PTPN14: variants seen among roughly 807,000 people sequenced by gnomAD.
PTPN14 encodes protein tyrosine phosphatase non-receptor type 14.
PTPN14 carries 53 observed loss-of-function variants against 126.8 expected under a neutral mutation model. The observed-to-expected ratio is 0.42, with a 90% CI of 0.34 to 0.53. PTPN14 has a LOEUF of 0.53. Ranked by LOEUF, PTPN14 falls within the 20% of genes least tolerant of loss-of-function variation. The pLI is 0.08. For synonymous variants in PTPN14, 630 were observed against 599.3 expected (o/e 1.05, Z -0.75); for missense variants, 1,257 against 1,552.9 (o/e 0.81, Z 3.20).
intron 9 of PTPN14, 22 bp downstream of exon 9, chr1:214,394,867 TCAGACCCTGA>T (rs1319952877): frequency 6.4e-7 from 1 of 1,570,512 alleles, no homozygotes; most frequent in Admixed American, 1.7e-5. Context: ...CAGTGTCTTG[TCAGACCCTGA>T]CTGTTTGTCT....
chr1:214,374,501 T>C (rs1197692574), intron 15 of PTPN14, among the ~76,000 whole-genome samples: 1 of 152,064 alleles, frequency 6.6e-6, no homozygotes, highest in Admixed American at 6.6e-5. Flanking sequence ...GACAGAAGGG[T>C]ATTAAAAACT....
chr1:214,368,770 A>G (rs1658146320), intron 17 of PTPN14, among the ~76,000 whole-genome samples: 1 of 152,090 alleles, frequency 6.6e-6, no homozygotes, highest in South Asian at 2.1e-4. Context: ...ATCACTTGAG[A>G]CCAGGAGTTC....
intron 1 of PTPN14, among the ~76,000 whole-genome samples, chr1:214,491,600 G>T (rs965631893): frequency 2.0e-5 from 3 of 152,148 alleles, no homozygotes; most frequent in Non-Finnish European, 2.9e-5. Flanking sequence ...GGATCCAACA[G>T]GAGGCAGAGC....
intron 3 of PTPN14, among the ~76,000 whole-genome samples, chr1:214,451,183 CAG>C (rs1660265615): frequency 1.3e-5 from 2 of 151,966 alleles, no homozygotes; most frequent in Non-Finnish European, 2.9e-5. Context: ...GTTTTTGAGA[CAG>C]GGTCTCAGTC....
At chr1:214,531,723 G>A (rs563886531) in intron 1 of PTPN14, 1 of 152,330 alleles carries the variant, frequency 6.6e-6, no homozygotes, top group Admixed American at 6.5e-5. Flanking sequence ...AAAGACAAGT[G>A]TAACAGCAGG....
chr1:214,512,001 T>C (rs748274490), intron 1 of PTPN14, among the ~76,000 whole-genome samples: 3 of 152,148 alleles, frequency 2.0e-5, no homozygotes, highest in Non-Finnish European at 4.4e-5. Flanking sequence ...GGTCTTAGAT[T>C]TGTGGCCTTG....
intron 16 of PTPN14, among the ~76,000 whole-genome samples, chr1:214,370,288 A>AG (rs1453240090): frequency 6.6e-6 from 1 of 151,774 alleles, no homozygotes; most frequent in Non-Finnish European, 1.5e-5. Context: ...CTCAAAAAAA[A>AG]AAAAAAAAGA....
chr1:214,491,326 G>T (rs985115772), intron 1 of PTPN14, among the ~76,000 whole-genome samples: 1 of 152,152 alleles, frequency 6.6e-6, no homozygotes, highest in Non-Finnish European at 1.5e-5. Context: ...GCGGCTGTGG[G>T]CTGCCTGTTC....
At chr1:214,404,133 T>C (rs4626856) in intron 5 of PTPN14, among the ~76,000 whole-genome samples, 16,474 of 152,204 alleles carry the variant, frequency 0.11, 1,099 homozygotes, top group East Asian at 0.23. Flanking sequence ...CCTAAAAATG[T>C]ACACCTCAAA....
intron 15 of PTPN14, among the ~76,000 whole-genome samples, chr1:214,374,074 A>G (rs1260863155): frequency 1.3e-5 from 2 of 152,188 alleles, no homozygotes; most frequent in African/African-American, 4.8e-5. Context: ...TGGCCTTTGG[A>G]GGAATTCTTT....
chr1:214,544,991 A>G (rs1053445902), intron 1 of PTPN14, among the ~76,000 whole-genome samples: 4 of 152,126 alleles, frequency 2.6e-5, no homozygotes, highest in African/African-American at 7.2e-5. Context: ...AGGAAGGGGT[A>G]AGACCACTCT....
chr1:214,414,559 C>CT, intron 4 of PTPN14, 70 bp downstream of exon 4: 1 of 1,368,604 alleles, frequency 7.3e-7, no homozygotes, highest in East Asian at 2.3e-5. Flanking sequence ...ACTTCTCACT[C>CT]TGAGAGGCCA....
In PTPN14 at chr1:214,354,720, A is replaced by T. The variant is rs1657776336; in HGVS notation, c.*3202T>A. 6.6e-6 allele frequency: 1 copy of T among 152,234 alleles called. No homozygotes were observed. The highest frequency in any genetic ancestry group is 2.4e-5 in the African/African-American group (1 of 41,454). 9.4% of individuals were successfully genotyped at this position (152,234 alleles called of 1,614,324 possible). A position where few individuals can be genotyped will look rare whatever the true frequency, so the allele number is the denominator to read the frequency against. On this transcript the variant is annotated 3_prime_UTR_variant, in exon 19 of 19. Coordinates refer to ENST00000366956, the MANE Select transcript of PTPN14 (RefSeq NM_005401.5). ...AACAGTTCAACTGGAAAACCTCGAA[A>T]ACAGCGGCTGGAAAATGTTTGATGG... is the stretch of plus-strand genomic sequence containing the variant.
intron 14 of PTPN14, 30 bp from the exon 15 acceptor site, chr1:214,376,467 A>G: frequency 6.4e-7 from 1 of 1,556,530 alleles, no homozygotes; most frequent in South Asian, 1.1e-5. Context: ...TCAGCTCTCT[A>G]AATTATCTGA....
At chr1:214,437,654 G>T (rs548254115) in intron 3 of PTPN14, among the ~76,000 whole-genome samples, 3 of 152,134 alleles carry the variant, frequency 2.0e-5, no homozygotes, top group African/African-American at 7.2e-5. Flanking sequence ...TCTCCATTCT[G>T]TTCCTTCTAG....
Position 214,397,902 on chromosome 1 carries a change from A to G in PTPN14, c.758+11T>C. On this transcript the variant is annotated intron_variant, in intron 8 of 18. Transcript: ENST00000366956. Reference sequence around the variant, plus strand: ...AAAAAAGAAAAAAGAAAAACAAACAAATAAGACTACCTGTATATTACCGCT... The same window carrying G: ...AAAAAAGAAAAAAGAAAAACAAACAGATAAGACTACCTGTATATTACCGCT... 1 of 1,574,574 alleles carries G rather than the reference A, an allele frequency of 6.4e-7. No homozygotes were observed. The highest frequency in any genetic ancestry group is 1.1e-5 in the South Asian group (1 of 88,316).
intron 1 of PTPN14, among the ~76,000 whole-genome samples, chr1:214,502,532 ATTTAT>A (rs771971623): frequency 2.6e-5 from 4 of 152,044 alleles, no homozygotes; most frequent in Non-Finnish European, 4.4e-5. Flanking sequence ...TTTTTTATTT[ATTTAT>A]TTTTAGAGAC....
At chr1:214,538,409 T>A (rs1655759973) in intron 1 of PTPN14, among the ~76,000 whole-genome samples, 1 of 152,194 alleles carries the variant, frequency 6.6e-6, no homozygotes, top group African/African-American at 2.4e-5. Flanking sequence ...TAACATCTCC[T>A]TCATAATGTT....
chr1:214,423,155 A>T (rs1041332017), intron 3 of PTPN14, among the ~76,000 whole-genome samples: 4 of 151,466 alleles, frequency 2.6e-5, no homozygotes, highest in African/African-American at 4.8e-5. Flanking sequence ...GGGGGGAGGG[A>T]GGGGAAGGAA....
Sources: gnomAD v4.1 joint callset for allele counts (sites outside exome capture counted in the v4.1 genomes callset) on GRCh38, gnomAD v4.1.1 for gene constraint, MANE v1.5 for transcripts, NCBI Gene and HGNC (gene_info 2026-07-23, HGNC 2026-07-21) for gene names.